The following KLHL5 variants were observed in gnomAD, a reference collection of about 807,000 sequenced individuals.
KLHL5 encodes kelch like family member 5, also known as kelch-like protein 5.
In KLHL5, 48 loss-of-function variants were observed where a neutral mutation model predicts 77.7. That is an observed-to-expected ratio of 0.62 (90% CI 0.49 to 0.79). The LOEUF (loss-of-function observed/expected upper bound fraction) is 0.79. Among genes scored for constraint, KLHL5 ranks in the 30% least tolerant of loss-of-function variants. The pLI, the probability that KLHL5 is intolerant of heterozygous loss-of-function variation, is 0.00. For missense variants in KLHL5, 723 were observed against 859.7 expected (o/e 0.84, Z 1.99); for synonymous variants, 260 against 297.0 (o/e 0.88, Z 1.28).
At position 39,124,894 on chromosome 4, in the gene KLHL5, G is replaced by A. The variant is rs533831698; in HGVS notation, c.*3828G>A. ...AAGTGAAAAGACAACCCACAGAATG[G>A]GAGAAAATATTTGTAAATCTTACAT... On this transcript the variant is annotated 3_prime_UTR_variant, in exon 11 of 11. Transcript: ENST00000504108. Among the ~76,000 whole-genome samples, 8 of 150,326 alleles carry A rather than the reference G, an allele frequency of 5.3e-5. No individual in the cohort carries two copies. In the East Asian group the frequency reaches 1.6e-3, roughly 29 times the overall value.
chr4:39,140,549 G>A, the KLHL5 span, among the ~76,000 whole-genome samples: 1 of 151,998 alleles, frequency 6.6e-6, no homozygotes, highest in African/African-American at 2.4e-5. Context: ...TTCAAATTTT[G>A]GTTAAATAGT....
At chr4:39,089,624 G>T (rs1406697059) in intron 5 of KLHL5, among the ~76,000 whole-genome samples, 1 of 152,170 alleles carries the variant, frequency 6.6e-6, no homozygotes, top group Non-Finnish European at 1.5e-5. Context: ...AAAGGACGAA[G>T]TTTTATCATC....
chr4:39,138,352 TA>T, the KLHL5 span, among the ~76,000 whole-genome samples: 1 of 152,154 alleles, frequency 6.6e-6, no homozygotes, highest in Admixed American at 6.5e-5. Context: ...GGAATCACCC[TA>T]AATGCCCATC....
Position 39,118,397 on chromosome 4 carries a change from A to G in KLHL5, c.2074-2613A>G, listed in dbSNP as rs1722996969. ...AAGAGGGTAGAGAGAGATTCCAGAT[A>G]CTAGAAAGAAAAAGTGAAACTGAAG... On this transcript the variant is annotated intron_variant, in intron 10 of 10. Transcript: ENST00000504108. 3.9e-5 allele frequency among the ~76,000 whole-genome samples: 6 copies of G among 152,028 alleles called. No homozygotes were observed. In the South Asian group the frequency reaches 8.3e-4, roughly 21 times the overall value.
In KLHL5 at chr4:39,113,199, A is replaced by C; in HGVS notation, c.1868A>C (p.Asn623Thr). 6.2e-7 allele frequency: 1 copy of C among 1,614,084 alleles called. No individual in the cohort carries two copies. Among genetic ancestry groups the C allele is most frequent in the African/African-American group, 1.3e-5 (1 of 75,058 alleles). Residue 623 changes from asparagine to threonine, a missense_variant, in exon 9 of 11, where the codon AAC becomes ACC. Transcript: ENST00000504108. The part of the protein sequence containing the change: ...AIGGHDAPAS[N>T]LTSRLSDCVE... ...GGGGGGCACGATGCTCCCGCATCCA[A>C]CTTGACTTCCAGACTCTCAGACTGT...
At chr4:39,075,326 C>T (rs1327595875) in intron 1 of KLHL5, among the ~76,000 whole-genome samples, 17 of 104,558 alleles carry the variant, frequency 1.6e-4, no homozygotes, top group South Asian at 3.4e-4. Flanking sequence ...AGCGAAATTC[C>T]GTCTCAAACA....
At chr4:39,142,144 A>G in the KLHL5 span, among the ~76,000 whole-genome samples, 1 of 152,260 alleles carries the variant, frequency 6.6e-6, no homozygotes, top group East Asian at 1.9e-4. Flanking sequence ...AAAATGTCTG[A>G]GTTCCAAATA....
chr4:39,141,403 G>T, the KLHL5 span, among the ~76,000 whole-genome samples: 6 of 151,116 alleles, frequency 4.0e-5, no homozygotes, highest in Non-Finnish European at 5.9e-5. Context: ...CCACCTGCCG[G>T]GTTCACGCCA....
At chr4:39,100,316 A>C (rs1721431748) in intron 6 of KLHL5, among the ~76,000 whole-genome samples, 1 of 152,154 alleles carries the variant, frequency 6.6e-6, no homozygotes, top group Non-Finnish European at 1.5e-5. Flanking sequence ...TGGAACCTTA[A>C]ATTCTGACAG....
upstream of KLHL5, chr4:39,044,857 G>A (rs1323047895): frequency 6.6e-6 from 5 of 756,480 alleles, no homozygotes; most frequent in Admixed American, 6.3e-5. Flanking sequence ...CTACTCGCCC[G>A]CCCCCTCCGG....
chr4:39,062,781 A>T lies in KLHL5; in HGVS notation c.129A>T (p.Gly43=), dbSNP rs571468291. 1 of 1,614,072 alleles carries T rather than the reference A, an allele frequency of 6.2e-7. No individual in the cohort carries two copies. Among genetic ancestry groups the T allele is most frequent in the Non-Finnish European group, 8.5e-7 (1 of 1,180,020 alleles). ...DSQQGEFWNR[G]QTGANGGRKF... is the part of the protein sequence containing the mutation. ...AGCAGGGAGAATTTTGGAACCGAGG[A>T]CAGACTGGAGCAAACGGTGGGAGAA... is the stretch of plus-strand genomic sequence containing the variant. The change falls in exon 1 of 11, where the codon GGA becomes GGT. Residue 43 remains glycine, a synonymous_variant. Transcript: ENST00000504108.
chr4:39,103,549 T>C, intron 7 of KLHL5, 38 bp downstream of exon 7: 2 of 1,496,034 alleles, frequency 1.3e-6, no homozygotes, highest in Non-Finnish European at 1.9e-6. Context: ...AAATATCACA[T>C]AGCTCCCACG....
intron 7 of KLHL5, 72 bp downstream of exon 7, chr4:39,103,583 C>A: frequency 8.0e-7 from 1 of 1,257,092 alleles, no homozygotes; most frequent in Non-Finnish European, 1.2e-6. Flanking sequence ...CTGAACCAGG[C>A]AGAGGACCCG....
rs138260326 is a variant in KLHL5 at position 39,080,474 on chromosome 4, C to T, written c.567-629C>T. On this transcript the variant is annotated intron_variant, in intron 2 of 10. Transcript: ENST00000504108. ...CTGGGAAGCAGAGGTTGCAGTGAGC[C>T]GAGATCATAGCATGGCACGCCAGCC... Among the ~76,000 whole-genome samples, 305 of 150,764 alleles carry T rather than the reference C, an allele frequency of 2.0e-3. 1 individual carries two copies. Among genetic ancestry groups the T allele is most frequent in the African/African-American group, 7.2e-3 (294 of 41,004 alleles).
intron 5 of KLHL5, among the ~76,000 whole-genome samples, chr4:39,092,789 C>T (rs1720707228): frequency 6.6e-6 from 1 of 152,082 alleles, no homozygotes; most frequent in African/African-American, 2.4e-5. Flanking sequence ...CATCATTAGT[C>T]ACTAGGAAAA....
intron 5 of KLHL5, 89 bp from the exon 6 acceptor site, chr4:39,096,603 A>G: frequency 1.1e-6 from 1 of 883,182 alleles, no homozygotes; most frequent in East Asian, 2.6e-5. Flanking sequence ...AAAAATATGT[A>G]AAATCCATTT....
chr4:39,047,948 A>G (rs3733271), intron 1 of KLHL5, among the ~76,000 whole-genome samples: 71,238 of 152,022 alleles, frequency 0.47, 17,417 homozygotes, highest in Middle Eastern at 0.56. Context: ...CAGCCGGTTG[A>G]TGAACCTCCC....
At chr4:39,135,362 A>T in the KLHL5 span, 1 of 152,218 alleles carries the variant, frequency 6.6e-6, no homozygotes, top group African/African-American at 2.4e-5. Context: ...GTGGTAGGCT[A>T]TCCTGCTCTT....
chr4:39,062,694 G>T lies in KLHL5; in HGVS notation c.42G>T (p.Leu14Phe). The T allele has an allele frequency of 6.2e-7, 1 of 1,614,104 alleles. No homozygotes were observed. Among genetic ancestry groups the T allele is most frequent in the African/African-American group, 1.3e-5 (1 of 75,010 alleles). Reference protein sequence around the residue: ...SRKEFDVKQILKIRWRWFGHQ... With the variant: ...SRKEFDVKQIFKIRWRWFGHQ... Reference sequence around the variant, plus strand: ...AAGAGTTTGATGTGAAACAGATTTTGAAAATCAGATGGAGGTGGTTTGGTC... The same window carrying T: ...AAGAGTTTGATGTGAAACAGATTTTTAAAATCAGATGGAGGTGGTTTGGTC... The change falls in exon 1 of 11, where the codon TTG becomes TTT. Residue 14 changes from leucine (L) to phenylalanine (F), a missense_variant. This residue lies in a region of KLHL5 where 221 missense variants were observed against 222.1 expected (regional missense o/e 1.00). Transcript: ENST00000504108.
Sources: allele counts gnomAD v4.1 joint callset (sites outside exome capture counted in the v4.1 genomes callset), GRCh38; gene constraint gnomAD v4.1.1; regional missense constraint gnomAD v4.1.1; transcripts MANE v1.5; gene names NCBI Gene and HGNC (gene_info 2026-07-23, HGNC 2026-07-21).